Variants in SLC25A26 observed in about 807,000 individuals in gnomAD.
SLC25A26 encodes the protein mitochondrial S-adenosylmethionine carrier protein.
SLC25A26 carries 36 observed loss-of-function variants against 37.8 expected under a neutral mutation model. The ratio of observed to expected loss-of-function variants is 0.95; its 90% CI spans 0.73 to 1.26. SLC25A26 has a LOEUF of 1.26. SLC25A26 is among the 50% of genes most tolerant of loss of function. The pLI, the probability that SLC25A26 is intolerant of heterozygous loss-of-function variation, is 0.00. For missense variants in SLC25A26, 390 were observed against 331.1 expected, an observed-to-expected ratio of 1.18 and a Z score of -1.38; for synonymous variants, 129 against 122.5, an observed-to-expected ratio of 1.05 and a Z score of -0.35.
intron 5 of SLC25A26, among the ~76,000 whole-genome samples, chr3:66,339,872 C>T (rs1248270602): frequency 6.6e-6 from 1 of 151,930 alleles, no homozygotes; most frequent in Non-Finnish European, 1.5e-5. Context: ...GATGTAGTCC[C>T]ATTTATTTCT....
At chr3:66,320,036 G>A (rs2075652638) in intron 5 of SLC25A26, among the ~76,000 whole-genome samples, 2 of 151,982 alleles carry the variant, frequency 1.3e-5, no homozygotes, top group Admixed American at 1.3e-4. Context: ...AATCTTTAGT[G>A]GGCTTTTAGA....
chr3:66,158,545 G>A (rs1286009866), intron 1 of SLC25A26, among the ~76,000 whole-genome samples: 1 of 152,122 alleles, frequency 6.6e-6, no homozygotes, highest in East Asian at 1.9e-4. Context: ...TTTCCGAAGT[G>A]GCTGCACCAT....
chr3:66,370,270 A>G (rs747598275), intron 8 of SLC25A26, among the ~76,000 whole-genome samples: 3 of 152,200 alleles, frequency 2.0e-5, no homozygotes, highest in Non-Finnish European at 4.4e-5. Flanking sequence ...CTGCTGTTAA[A>G]TAGTTCATCA....
Position 66,377,855 on chromosome 3 carries a change from G to A in SLC25A26, c.*48G>A. The stretch of plus-strand genomic sequence containing the variant: ...ACTTCTGTCAAGAGAGGGGCCTGCA[G>A]TGCAAACCCTCTTCCGCTGAGCAGC... On this transcript the variant is annotated 3_prime_UTR_variant, in exon 10 of 10. Transcript: ENST00000354883. 7.2e-7 allele frequency: 1 copy of A among 1,394,806 alleles called. No homozygotes were observed. The highest frequency in any genetic ancestry group is 1.0e-6 in the Non-Finnish European group (1 of 980,750). The allele number at this position is 1,394,806 out of a possible 1,614,324, so 86.4% of individuals were successfully genotyped here.
intron 1 of SLC25A26, among the ~76,000 whole-genome samples, chr3:66,172,772 C>A (rs1402203626): frequency 6.6e-6 from 1 of 152,226 alleles, no homozygotes; most frequent in African/African-American, 2.4e-5. Context: ...TGTTCCCTCA[C>A]ATGCAGCATC....
At chr3:66,193,608 G>A (rs2070987037) in intron 1 of SLC25A26, among the ~76,000 whole-genome samples, 1 of 151,772 alleles carries the variant, frequency 6.6e-6, no homozygotes, top group Non-Finnish European at 1.5e-5. Context: ...TGTTTTGGGG[G>A]TAGTCCACAA....
chr3:66,164,247 T>A (rs2070396322), intron 1 of SLC25A26, among the ~76,000 whole-genome samples: 1 of 152,236 alleles, frequency 6.6e-6, no homozygotes, highest in Non-Finnish European at 1.5e-5. Flanking sequence ...AAATTTTCTC[T>A]TGTAACAAAC....
chr3:66,195,621 G>A (rs980706565), intron 1 of SLC25A26, among the ~76,000 whole-genome samples: 1 of 152,206 alleles, frequency 6.6e-6, no homozygotes, highest in Non-Finnish European at 1.5e-5. Context: ...GCCGAGCGAG[G>A]AGCGCACGCG....
At chr3:66,367,729 GAGAC>G (rs1379068645) in intron 7 of SLC25A26, among the ~76,000 whole-genome samples, 1 of 150,990 alleles carries the variant, frequency 6.6e-6, no homozygotes, top group African/African-American at 2.5e-5. Flanking sequence ...GAGAGAGAGA[GAGAC>G]AGATAGTGTT....
intron 5 of SLC25A26, among the ~76,000 whole-genome samples, chr3:66,263,950 G>GCCCGGCCT (rs1490954844): frequency 4.0e-5 from 6 of 151,844 alleles, no homozygotes; most frequent in Non-Finnish European, 8.8e-5. Flanking sequence ...GAGTCGCCGC[G>GCCCGGCCT]CCCGGCCTCC....
At chr3:66,274,361 C>T (rs2074058440) in intron 5 of SLC25A26, among the ~76,000 whole-genome samples, 1 of 151,854 alleles carries the variant, frequency 6.6e-6, no homozygotes, top group African/African-American at 2.4e-5. Context: ...ATGTCTAAAA[C>T]ACCAAAAGCA....
At chr3:66,351,858 T>C (rs1330829487) in intron 6 of SLC25A26, among the ~76,000 whole-genome samples, 1 of 152,158 alleles carries the variant, frequency 6.6e-6, no homozygotes, top group East Asian at 1.9e-4. Flanking sequence ...ACACCCCTTG[T>C]TTGAATTGCT....
intron 1 of SLC25A26, among the ~76,000 whole-genome samples, chr3:66,222,337 C>T (rs927427421): frequency 1.8e-4 from 27 of 152,102 alleles, no homozygotes; most frequent in African/African-American, 6.0e-4. Flanking sequence ...CCCGCCACTA[C>T]GCCCAGCTAA....
At chr3:66,334,645 G>A (rs563976837) in intron 5 of SLC25A26, among the ~76,000 whole-genome samples, 1 of 152,190 alleles carries the variant, frequency 6.6e-6, no homozygotes, top group African/African-American at 2.4e-5. Context: ...GGTGTAGCAG[G>A]TTTCTGTCAT....
At chr3:66,329,835 T>A (rs2075929324) in intron 5 of SLC25A26, among the ~76,000 whole-genome samples, 1 of 152,168 alleles carries the variant, frequency 6.6e-6, no homozygotes, top group African/African-American at 2.4e-5. Flanking sequence ...TGTGCTGGGA[T>A]TATAGGCATC....
At chr3:66,311,820 G>C (rs1431681322) in intron 5 of SLC25A26, among the ~76,000 whole-genome samples, 2 of 152,136 alleles carry the variant, frequency 1.3e-5, no homozygotes, top group Non-Finnish European at 2.9e-5. Context: ...CACCACCAGA[G>C]GCTGCAGAAC....
At chr3:66,162,815 T>C (rs1165370446) in intron 1 of SLC25A26, among the ~76,000 whole-genome samples, 1 of 152,188 alleles carries the variant, frequency 6.6e-6, no homozygotes, top group Admixed American at 6.5e-5. Context: ...TCCCTGCACA[T>C]GGAGGTGAAG....
intron 1 of SLC25A26, among the ~76,000 whole-genome samples, chr3:66,199,943 T>A (rs2071088377): frequency 6.6e-6 from 1 of 152,230 alleles, no homozygotes; most frequent in African/African-American, 2.4e-5. Flanking sequence ...AGTATGACCA[T>A]GATCTATGCA....
At chr3:66,220,811 G>A, upstream of SLC25A26, 2 of 514,952 alleles carry the variant, frequency 3.9e-6, no homozygotes, top group Non-Finnish European at 6.8e-6. Flanking sequence ...TTTTGCTCGC[G>A]AAAGTTCCTC....
Sources: gnomAD v4.1 joint callset for allele counts (sites outside exome capture counted in the v4.1 genomes callset) on GRCh38, gnomAD v4.1.1 for gene constraint, MANE v1.5 for transcripts, NCBI Gene and HGNC (gene_info 2026-07-23, HGNC 2026-07-21) for gene names.